The following RAB3GAP1 variants were observed in gnomAD, a reference collection of about 807,000 sequenced individuals.
RAB3GAP1 encodes the protein RAB3 GTPase activating protein catalytic subunit 1, also known as rab3 GTPase-activating protein catalytic subunit.
RAB3GAP1 carries 86 observed loss-of-function variants against 130.7 expected under a neutral mutation model. That is an observed-to-expected ratio of 0.66 (90% CI 0.55 to 0.79). The LOEUF is 0.79. RAB3GAP1 is among the 30% of genes least tolerant of loss of function. The pLI, the probability that RAB3GAP1 is intolerant of heterozygous loss-of-function variation, is 0.00. For missense variants in RAB3GAP1, 1,029 were observed against 1,169.4 expected, an observed-to-expected ratio of 0.88 and a Z score of 1.75; for synonymous variants, 367 against 401.7, an observed-to-expected ratio of 0.91 and a Z score of 1.03.
chr2:135,067,530 T>C (rs909580426), intron 3 of RAB3GAP1, among the ~76,000 whole-genome samples: 1 of 152,234 alleles, frequency 6.6e-6, no homozygotes, highest in African/African-American at 2.4e-5. Context: ...GTTATTGTTG[T>C]CAACATTTTT....
chr2:135,079,456 G>A (rs975747603), intron 3 of RAB3GAP1, among the ~76,000 whole-genome samples: 2 of 152,038 alleles, frequency 1.3e-5, no homozygotes, highest in Non-Finnish European at 2.9e-5. Context: ...GCTTTCCATT[G>A]CCTACAGGGT....
At chr2:135,068,851 A>G (rs923178794) in intron 3 of RAB3GAP1, among the ~76,000 whole-genome samples, 2 of 152,244 alleles carry the variant, frequency 1.3e-5, no homozygotes, top group African/African-American at 2.4e-5. Context: ...TCAATCTGCT[A>G]TGAGAGTTTT....
At chr2:135,093,588 C>G (rs1558772161) in intron 4 of RAB3GAP1, 27 bp from the exon 5 acceptor site, 1 of 1,566,870 alleles carries the variant, frequency 6.4e-7, no homozygotes, top group Non-Finnish European at 8.8e-7. Context: ...AACATACTAA[C>G]TTTTTCATTA....
chr2:135,090,502 G>A (rs1040743646), intron 3 of RAB3GAP1, among the ~76,000 whole-genome samples: 22 of 152,130 alleles, frequency 1.4e-4, no homozygotes, highest in Non-Finnish European at 1.0e-4. Flanking sequence ...TAAGTAAGGA[G>A]CTCTTTGGAA....
rs1691353247 is a variant in RAB3GAP1, at chr2:135,126,519, A to T, written c.900-64A>T. ...TATGTTTTCATTAGACTGCATTTTA[A>T]TAAGTTCATGAATCTTGCAGATTGT... On this transcript the variant is annotated intron_variant, in intron 10 of 23. Transcript: ENST00000264158. 3.5e-6 allele frequency: 5 copies of T among 1,426,000 alleles called. No individual in the cohort carries two copies. In the Admixed American group the frequency reaches 5.0e-5, roughly 14 times the overall value. The allele number at this position is 1,426,000 out of a possible 1,614,324, so 88.3% of individuals were successfully genotyped here.
chr2:135,059,215 A>G (rs1015355419), intron 3 of RAB3GAP1: 3 of 152,174 alleles, frequency 2.0e-5, no homozygotes, highest in Non-Finnish European at 4.4e-5. Flanking sequence ...GGGTCATTCT[A>G]CTCCACTTGA....
chr2:135,059,715 C>T (rs1689114881), intron 3 of RAB3GAP1, among the ~76,000 whole-genome samples: 1 of 152,026 alleles, frequency 6.6e-6, no homozygotes. Flanking sequence ...GTTTTAGATG[C>T]TAAATTCAGT....
At chr2:135,154,372 A>T (rs1398389807) in intron 19 of RAB3GAP1, among the ~76,000 whole-genome samples, 2 of 152,136 alleles carry the variant, frequency 1.3e-5, no homozygotes, top group African/African-American at 4.8e-5. Flanking sequence ...ATATAGTGGC[A>T]CCTGCCTGAT....
At position 135,132,938 on chromosome 2, in the gene RAB3GAP1, C is replaced by A; in HGVS notation, c.1280C>A (p.Thr427Asn). ...GTTTCTGAGAAACCATTAGATGGAA[C>A]TACTTCAACAGATAATAATAATCCT... ...DAVSEKPLDG[T>N]TSTDNNNPPS... The change falls in exon 14 of 24, where the codon ACT becomes AAT. Residue 427 changes from threonine to asparagine, a missense_variant. Coordinates refer to ENST00000264158, the MANE Select transcript of RAB3GAP1 (RefSeq NM_012233.3). 6.3e-7 allele frequency: 1 copy of A among 1,584,558 alleles called. No homozygotes were observed. The highest frequency in any genetic ancestry group is 8.7e-7 in the Non-Finnish European group (1 of 1,153,520).
Position 135,164,586 on chromosome 2 carries a change from T to C in RAB3GAP1, c.2607-8T>C, listed in dbSNP as rs371589914. 3.7e-6 allele frequency: 6 copies of C among 1,601,360 alleles called. No individual in the cohort carries two copies. The African/African-American group carries it at 8.0e-5, about 21-fold the overall frequency. ...TCCACCCTTTCATTGCCTGTCTCTG[T>C]CTCCTAGGTTTGTGAGTTGCCTGCT... On this transcript the variant is annotated splice_region_variant and splice_polypyrimidine_tract_variant and intron_variant, in intron 22 of 23. Coordinates refer to ENST00000264158, the MANE Select transcript of RAB3GAP1 (RefSeq NM_012233.3).
chr2:135,064,760 T>TG (rs1344817936), intron 3 of RAB3GAP1, among the ~76,000 whole-genome samples: 2 of 150,948 alleles, frequency 1.3e-5, no homozygotes, highest in African/African-American at 4.9e-5. Flanking sequence ...GTTTTGTTTT[T>TG]TTTTTTTTTT....
At chr2:135,092,154 A>G (rs974332981) in intron 4 of RAB3GAP1, among the ~76,000 whole-genome samples, 2 of 152,236 alleles carry the variant, frequency 1.3e-5, no homozygotes, top group Non-Finnish European at 2.9e-5. Context: ...GCAGTTATAC[A>G]GCAAAAGAAA....
chr2:135,146,353 A>G (rs1026600638), intron 17 of RAB3GAP1, among the ~76,000 whole-genome samples: 3 of 151,854 alleles, frequency 2.0e-5, no homozygotes. Context: ...CTGGGATTAC[A>G]GGTGCCCGCC....
chr2:135,162,325 G>A (rs1390359321), intron 19 of RAB3GAP1: 3 of 502,630 alleles, frequency 6.0e-6, no homozygotes, highest in Non-Finnish European at 7.1e-6. Context: ...CCTTATTTGT[G>A]TGTATTACAT....
intron 3 of RAB3GAP1, among the ~76,000 whole-genome samples, chr2:135,081,668 A>G (rs1009308891): frequency 6.6e-6 from 1 of 152,036 alleles, no homozygotes; most frequent in African/African-American, 2.4e-5. Context: ...TTCTAGGGTT[A>G]CTTGTGACTA....
chr2:135,102,405 T>C (rs184281865), intron 5 of RAB3GAP1, among the ~76,000 whole-genome samples: 3 of 152,250 alleles, frequency 2.0e-5, no homozygotes, highest in African/African-American at 7.2e-5. Context: ...CCTGCAGAAC[T>C]ATAAGATGAT....
intron 3 of RAB3GAP1, 117 bp downstream of exon 3, chr2:135,058,203 TA>T: frequency 2.4e-6 from 2 of 827,682 alleles, no homozygotes; most frequent in Admixed American, 4.2e-5. Context: ...ACGTATAATC[TA>T]TAAACATCAA....
chr2:135,056,142 T>C (rs1031569174), intron 2 of RAB3GAP1, among the ~76,000 whole-genome samples: 2 of 151,790 alleles, frequency 1.3e-5, no homozygotes, highest in Admixed American at 6.6e-5. Context: ...GGCCGACATA[T>C]TTCCTTCTAA....
intron 17 of RAB3GAP1, among the ~76,000 whole-genome samples, chr2:135,149,944 A>T (rs1219894708): frequency 6.6e-6 from 1 of 152,208 alleles, no homozygotes; most frequent in African/African-American, 2.4e-5. Flanking sequence ...GGCATGAGCC[A>T]CCGTGCCTGG....
Sources: allele counts gnomAD v4.1 joint callset (sites outside exome capture counted in the v4.1 genomes callset), GRCh38; gene constraint gnomAD v4.1.1; transcripts MANE v1.5; gene names NCBI Gene and HGNC (gene_info 2026-07-23, HGNC 2026-07-21).